The following TENM4 variants were observed in gnomAD, a reference collection of about 807,000 sequenced individuals.
The protein encoded by TENM4 is teneurin-4.
Under a neutral mutation model 243.3 loss-of-function variants are expected in TENM4, and 82 were observed. That is an observed-to-expected ratio of 0.34 (90% CI 0.28 to 0.40). TENM4 has a LOEUF of 0.40. Among genes scored for constraint, TENM4 ranks in the 10% least tolerant of loss-of-function variants. TENM4 has a pLI of 1.00. For missense variants in TENM4, 3,138 were observed against 3,673.3 expected, an observed-to-expected ratio of 0.85 and a Z score of 3.77; for synonymous variants, 1,412 against 1,456.3, an observed-to-expected ratio of 0.97 and a Z score of 0.69.
intron 2 of TENM4, among the ~76,000 whole-genome samples, chr11:79,290,456 G>T (rs970756139): frequency 4.6e-5 from 7 of 152,116 alleles, no homozygotes; most frequent in African/African-American, 1.7e-4. Flanking sequence ...TGGGTTTTTT[G>T]GCATCCGATC....
chr11:79,090,850 A>G (rs1860928782), intron 4 of TENM4, among the ~76,000 whole-genome samples: 1 of 152,152 alleles, frequency 6.6e-6, no homozygotes, highest in Non-Finnish European at 1.5e-5. Context: ...TGGGTCTTTT[A>G]TGGTCCTATC....
intron 1 of TENM4, among the ~76,000 whole-genome samples, chr11:79,387,616 T>C (rs1390714212): frequency 2.0e-5 from 2 of 99,342 alleles, no homozygotes; most frequent in East Asian, 2.9e-4. Context: ...TAAATGAGTT[T>C]CACTTCCCTT....
chr11:79,138,438 T>C (rs1284512201), intron 4 of TENM4, among the ~76,000 whole-genome samples: 4 of 115,454 alleles, frequency 3.5e-5, no homozygotes, highest in East Asian at 4.6e-4. Context: ...TATAAATATA[T>C]ATTATATTTA....
intron 15 of TENM4, among the ~76,000 whole-genome samples, chr11:78,800,117 C>T (rs1857251471): frequency 6.6e-6 from 1 of 152,178 alleles, no homozygotes; most frequent in Non-Finnish European, 1.5e-5. Context: ...GTGAGCCTTT[C>T]CAATTCTAAG....
intron 6 of TENM4, chr11:78,924,886 G>T (rs960140580): frequency 1.3e-5 from 2 of 152,168 alleles, no homozygotes; most frequent in African/African-American, 2.4e-5. Flanking sequence ...GCAGTAAGTT[G>T]GTCAGTTGCC....
At chr11:79,288,620 A>G (rs142851642) in intron 2 of TENM4, among the ~76,000 whole-genome samples, 1 of 152,224 alleles carries the variant, frequency 6.6e-6, no homozygotes, top group Non-Finnish European at 1.5e-5. Flanking sequence ...ATCCCAGCTT[A>G]TCTTCAGATC....
intron 6 of TENM4, among the ~76,000 whole-genome samples, chr11:78,933,955 G>A (rs1856726431): frequency 6.6e-6 from 1 of 152,146 alleles, no homozygotes; most frequent in African/African-American, 2.4e-5. Context: ...GGGGAAAGGG[G>A]GGGACAAGAG....
In TENM4 at chr11:79,004,982, A is replaced by T. The variant is rs78466436; in HGVS notation, c.493+59756T>A. Among the ~76,000 whole-genome samples the T allele has an allele frequency of 1.1e-3, 165 of 148,822 alleles. 6 individuals are homozygous for T. In the East Asian group the frequency reaches 0.029, roughly 26 times the overall value. ...AAAAACAACTCTGACTACTATGAAT[A>T]CCTCTATGTACACAAACTAGAAAAC... On this transcript the variant is annotated intron_variant, in intron 6 of 33. Coordinates refer to ENST00000278550, the MANE Select transcript of TENM4 (RefSeq NM_001098816.3).
At chr11:79,267,252 A>G (rs1352627720) in intron 2 of TENM4, among the ~76,000 whole-genome samples, 1 of 152,106 alleles carries the variant, frequency 6.6e-6, no homozygotes, top group Non-Finnish European at 1.5e-5. Context: ...ATCATCACAT[A>G]CTTGGCCTAT....
intron 1 of TENM4, among the ~76,000 whole-genome samples, chr11:79,427,831 G>T (rs191982830): frequency 6.6e-6 from 1 of 152,184 alleles, no homozygotes; most frequent in Admixed American, 6.5e-5. Context: ...TATAAAAGAA[G>T]CCTGGAGAGT....
At chr11:79,263,599 A>G (rs1229391445) in intron 2 of TENM4, among the ~76,000 whole-genome samples, 1 of 152,236 alleles carries the variant, frequency 6.6e-6, no homozygotes, top group African/African-American at 2.4e-5. Flanking sequence ...TGTTGTTACT[A>G]CAGAAAATGT....
chr11:78,956,728 A>T (rs930916758), intron 6 of TENM4, among the ~76,000 whole-genome samples: 1 of 152,212 alleles, frequency 6.6e-6, no homozygotes, highest in Non-Finnish European at 1.5e-5. Flanking sequence ...AAACTCTGAG[A>T]CTAAATGTTT....
intron 32 of TENM4, among the ~76,000 whole-genome samples, chr11:78,663,903 T>G (rs912555067): frequency 1.3e-5 from 2 of 152,186 alleles, no homozygotes; most frequent in Non-Finnish European, 2.9e-5. Context: ...GTTTTCGGGT[T>G]GTCTGGGGCC....
At chr11:79,326,426 A>T (rs1298246937) in intron 1 of TENM4, among the ~76,000 whole-genome samples, 3 of 152,108 alleles carry the variant, frequency 2.0e-5, no homozygotes, top group Non-Finnish European at 4.4e-5. Flanking sequence ...ACACTTCTCA[A>T]AGGCTTCCTT....
At chr11:79,375,506 G>A (rs1846784124) in intron 1 of TENM4, among the ~76,000 whole-genome samples, 1 of 152,004 alleles carries the variant, frequency 6.6e-6, no homozygotes, top group Non-Finnish European at 1.5e-5. Flanking sequence ...CTTATTTAAT[G>A]GTTAAAGAAT....
At chr11:79,082,274 T>A (rs1324967383) in intron 4 of TENM4, among the ~76,000 whole-genome samples, 6 of 152,148 alleles carry the variant, frequency 3.9e-5, no homozygotes, top group African/African-American at 1.4e-4. Flanking sequence ...TAAGTGGCTC[T>A]TTTTCGGTAG....
At chr11:79,154,535 T>C (rs1862566411) in intron 3 of TENM4, among the ~76,000 whole-genome samples, 1 of 152,074 alleles carries the variant, frequency 6.6e-6, no homozygotes, top group Admixed American at 6.5e-5. Flanking sequence ...GTCTACTTTG[T>C]CCCCTGACCC....
intron 6 of TENM4, among the ~76,000 whole-genome samples, chr11:78,996,133 A>T (rs1378422620): frequency 6.6e-6 from 1 of 152,188 alleles, no homozygotes; most frequent in Non-Finnish European, 1.5e-5. Context: ...CTTTGTCACT[A>T]ACCTCATCAT....
At chr11:79,426,960 T>C (rs1404153477) in intron 1 of TENM4, among the ~76,000 whole-genome samples, 2 of 152,180 alleles carry the variant, frequency 1.3e-5, no homozygotes, top group Non-Finnish European at 2.9e-5. Context: ...AGATATGGCC[T>C]AGATCAATCT....
Sources: allele counts gnomAD v4.1 joint callset (sites outside exome capture counted in the v4.1 genomes callset), GRCh38; gene constraint gnomAD v4.1.1; transcripts MANE v1.5; gene names NCBI Gene and HGNC (gene_info 2026-07-23, HGNC 2026-07-21).